BMPR2: variants seen among roughly 807,000 people sequenced by gnomAD.
BMPR2 encodes the protein bone morphogenetic protein receptor type 2.
A neutral mutation model predicts 100.8 loss-of-function variants in BMPR2; 29 were observed. The ratio of observed to expected loss-of-function variants is 0.29; its 90% CI spans 0.21 to 0.39. The LOEUF is 0.39. Among genes scored for constraint, BMPR2 ranks in the 10% least tolerant of loss-of-function variants. BMPR2 has a pLI of 1.00. For missense variants in BMPR2, 1,011 were observed against 1,274.5 expected, an observed-to-expected ratio of 0.79 and a Z score of 3.15; for synonymous variants, 382 against 442.3, an observed-to-expected ratio of 0.86 and a Z score of 1.71.
At chr2:202,484,803 A>G (rs1166640378) in intron 3 of BMPR2, among the ~76,000 whole-genome samples, 2 of 149,942 alleles carry the variant, frequency 1.3e-5, no homozygotes, top group Non-Finnish European at 3.0e-5. Flanking sequence ...CGTCTCTACT[A>G]AAAAAAATGC....
intron 1 of BMPR2, among the ~76,000 whole-genome samples, chr2:202,424,039 C>T (rs1231782903): frequency 5.5e-5 from 8 of 145,838 alleles, no homozygotes; most frequent in African/African-American, 2.0e-4. Context: ...TGTCACTGCC[C>T]TCCAGCCTGG....
chr2:202,407,004 G>T (rs1690905978), intron 1 of BMPR2, among the ~76,000 whole-genome samples: 1 of 151,796 alleles, frequency 6.6e-6, no homozygotes, highest in Admixed American at 6.6e-5. Flanking sequence ...CTGGAGTGCA[G>T]TGGTGTGATC....
chr2:202,529,311 GC>G (rs1687974973), intron 7 of BMPR2, among the ~76,000 whole-genome samples: 1 of 152,122 alleles, frequency 6.6e-6, no homozygotes, highest in Non-Finnish European at 1.5e-5. Context: ...GCAGTGTTCT[GC>G]CCAGGGCAAA....
intron 10 of BMPR2, among the ~76,000 whole-genome samples, chr2:202,551,005 G>A (rs1182435939): frequency 7.3e-6 from 1 of 136,856 alleles, no homozygotes; most frequent in African/African-American, 2.8e-5. Context: ...CGCCCAGGCT[G>A]GAGTGCAATG....
intron 1 of BMPR2, among the ~76,000 whole-genome samples, chr2:202,382,852 A>G (rs1401468778): frequency 6.6e-6 from 1 of 152,208 alleles, no homozygotes; most frequent in Non-Finnish European, 1.5e-5. Context: ...TCATTTTGAA[A>G]TACAGATTCA....
chr2:202,450,096 C>T (rs1003187589), intron 1 of BMPR2, among the ~76,000 whole-genome samples: 77 of 151,854 alleles, frequency 5.1e-4, no homozygotes, highest in African/African-American at 1.4e-3. Flanking sequence ...GGCAACAGAG[C>T]GAGACTCCGT....
At position 202,444,881 on chromosome 2, in the gene BMPR2, C is replaced by T. The variant is rs573631422; in HGVS notation, c.77-19928C>T. ...TGAGCTCACTGCATCCTCCGCCTCCCGGGTTCAAGCAATTCTCGTGCCTCA... is the reference window on the plus strand; with the variant it reads ...TGAGCTCACTGCATCCTCCGCCTCCTGGGTTCAAGCAATTCTCGTGCCTCA... On this transcript the variant is annotated intron_variant, in intron 1 of 12. Coordinates refer to ENST00000374580, the MANE Select transcript of BMPR2 (RefSeq NM_001204.7). 9.3e-4 allele frequency among the ~76,000 whole-genome samples: 140 copies of T among 150,800 alleles called. 16 individuals carry two copies. The highest frequency in any genetic ancestry group is 3.4e-3 in the African/African-American group (136 of 40,116).
At chr2:202,534,736 C>T (rs1046619779) in intron 9 of BMPR2, among the ~76,000 whole-genome samples, 5 of 152,264 alleles carry the variant, frequency 3.3e-5, no homozygotes, top group East Asian at 1.9e-4. Flanking sequence ...TCCACAAAGC[C>T]GCCATTGTCA....
intron 1 of BMPR2, among the ~76,000 whole-genome samples, chr2:202,409,105 G>T (rs1357639523): frequency 6.6e-6 from 1 of 152,210 alleles, no homozygotes; most frequent in Non-Finnish European, 1.5e-5. Context: ...AACACTTTGA[G>T]AGGCCGAGGT....
chr2:202,559,328 A>G (rs1240922547), intron 12 of BMPR2, among the ~76,000 whole-genome samples: 1 of 151,884 alleles, frequency 6.6e-6, no homozygotes, highest in East Asian at 1.9e-4. Context: ...AATTTGATCC[A>G]CCTTGAGCAT....
intron 3 of BMPR2, among the ~76,000 whole-genome samples, chr2:202,509,100 ATC>A (rs1347832938): frequency 6.6e-6 from 1 of 152,194 alleles, no homozygotes; most frequent in African/African-American, 2.4e-5. Context: ...GATTTTAATA[ATC>A]TCTGTCCAAA....
chr2:202,423,612 C>T (rs1041348079), intron 1 of BMPR2, among the ~76,000 whole-genome samples: 4 of 151,688 alleles, frequency 2.6e-5, no homozygotes, highest in African/African-American at 7.3e-5. Context: ...AAAAATTTCT[C>T]GGGATGTTGG....
chr2:202,531,713 C>A (rs1225915569), intron 8 of BMPR2, among the ~76,000 whole-genome samples: 1 of 151,926 alleles, frequency 6.6e-6, no homozygotes, highest in African/African-American at 2.4e-5. Flanking sequence ...CCCACCGCAA[C>A]CTCTGCCTCC....
chr2:202,536,539 C>T (rs1204043845), intron 9 of BMPR2, among the ~76,000 whole-genome samples: 2 of 151,508 alleles, frequency 1.3e-5, no homozygotes, highest in East Asian at 3.9e-4. Context: ...TCAATTGAGG[C>T]ATTTTTCTGA....
At chr2:202,464,417 A>G (rs1420955382) in intron 1 of BMPR2, among the ~76,000 whole-genome samples, 1 of 152,116 alleles carries the variant, frequency 6.6e-6, no homozygotes, top group Non-Finnish European at 1.5e-5. Flanking sequence ...AAATATGATA[A>G]AAGTAAGTAC....
intron 1 of BMPR2, among the ~76,000 whole-genome samples, chr2:202,421,508 TG>T: frequency 6.8e-6 from 1 of 147,140 alleles, no homozygotes; most frequent in South Asian, 2.2e-4. Flanking sequence ...CAAGACTGAA[TG>T]GTGCTTGGCA....
chr2:202,483,242 T>C (rs1692696097), intron 3 of BMPR2, among the ~76,000 whole-genome samples: 1 of 152,184 alleles, frequency 6.6e-6, no homozygotes, highest in Non-Finnish European at 1.5e-5. Flanking sequence ...GTTCTTTATA[T>C]ATTTTGGATA....
chr2:202,507,005 G>A (rs187820404), intron 3 of BMPR2, among the ~76,000 whole-genome samples: 1 of 151,038 alleles, frequency 6.6e-6, no homozygotes, highest in African/African-American at 2.4e-5. Flanking sequence ...CCTGGGAGGC[G>A]AAGGTTGTAG....
rs1559037459 is a variant in BMPR2 at position 202,434,924 on chromosome 2, TA to T, written c.77-29884del. On this transcript the variant is annotated intron_variant, in intron 1 of 12. Coordinates refer to ENST00000374580, the MANE Select transcript of BMPR2 (RefSeq NM_001204.7). ...AAAAAAAAAAATATATATATATATA[TA>T]TATATATATATTTATTTATTTATTT... Among the ~76,000 whole-genome samples, 59 of 115,422 alleles carry T rather than the reference TA, an allele frequency of 5.1e-4. 1 individual carries two copies. Among genetic ancestry groups the T allele is most frequent in the African/African-American group, 6.2e-4 (18 of 29,200 alleles). 75.7% of individuals were successfully genotyped at this position (115,422 alleles called of 152,430 possible).
Sources: allele counts gnomAD v4.1 joint callset (sites outside exome capture counted in the v4.1 genomes callset), GRCh38; gene constraint gnomAD v4.1.1; transcripts MANE v1.5; gene names NCBI Gene and HGNC (gene_info 2026-07-23, HGNC 2026-07-21).